LRRC28: variants seen among roughly 807,000 people sequenced by gnomAD.
LRRC28 encodes leucine-rich repeat-containing protein 28.
A neutral mutation model predicts 45.7 loss-of-function variants in LRRC28; 39 were observed. The ratio of observed to expected loss-of-function variants is 0.85; its 90% confidence interval spans 0.66 to 1.12. The LOEUF (loss-of-function observed/expected upper bound fraction) is 1.12. Among genes scored for constraint, LRRC28 ranks in the 50% most tolerant of loss-of-function variants. LRRC28 has a pLI of 0.00. For synonymous variants in LRRC28, 206 were observed against 178.8 expected (o/e 1.15, Z -1.22); for missense variants, 435 against 438.5 (o/e 0.99, Z 0.07).
intron 7 of LRRC28, 110 bp downstream of exon 7, chr15:99,352,581 A>T: frequency 2.5e-6 from 2 of 788,572 alleles, no homozygotes; most frequent in Non-Finnish European, 4.1e-6. Flanking sequence ...ATCCTTAGAA[A>T]CTAAGGATAT....
intron 5 of LRRC28, among the ~76,000 whole-genome samples, chr15:99,308,467 AC>A (rs1206189321): frequency 6.6e-6 from 1 of 152,158 alleles, no homozygotes; most frequent in African/African-American, 2.4e-5. Flanking sequence ...GGAGTTCAAG[AC>A]CAGTCTGGGC....
chr15:99,343,531 G>GA (rs1956585304), intron 6 of LRRC28, among the ~76,000 whole-genome samples: 1 of 151,928 alleles, frequency 6.6e-6, no homozygotes, highest in Admixed American at 6.5e-5. Context: ...GAGTTTGGAA[G>GA]AAAAAAAGGA....
Position 99,387,291 on chromosome 15 carries a change from A to G in LRRC28, c.*1189A>G, listed in dbSNP as rs1597492827. 6.6e-6 allele frequency: 1 copy of G among 150,980 alleles called. No individual in the cohort carries two copies. 9.4% of individuals were successfully genotyped at this position (150,980 alleles called of 1,614,324 possible). A position where few individuals can be genotyped will look rare whatever the true frequency, so the allele number is the denominator to read the frequency against. Reference sequence around the variant, plus strand: ...TAGCCGGGATGGTCTCGATCTCCTGACCTCGTGATCCGCACGCCTCGGCCT... The same window carrying G: ...TAGCCGGGATGGTCTCGATCTCCTGGCCTCGTGATCCGCACGCCTCGGCCT... On this transcript the variant is annotated 3_prime_UTR_variant, in exon 10 of 10. Transcript: ENST00000301981.
chr15:99,388,479 C>T lies in LRRC28; in HGVS notation c.*2377C>T, dbSNP rs1958095039. On this transcript the variant is annotated 3_prime_UTR_variant, in exon 10 of 10. Transcript: ENST00000301981. ...ACCTTTGGGCAGTCTCAACCTTAAT[C>T]CTTGGGTACAGCACCTGAACTTAAT... 6.6e-6 allele frequency: 1 copy of T among 152,192 alleles called. No individual in the cohort carries two copies. 9.4% of individuals were successfully genotyped at this position (152,192 alleles called of 1,614,324 possible).
At chr15:99,361,642 A>G (rs1957207146) in intron 8 of LRRC28, 131 bp downstream of exon 8, 11 of 834,678 alleles carry the variant, frequency 1.3e-5, no homozygotes, top group South Asian at 1.2e-4. Flanking sequence ...GAAAGTAACC[A>G]TTTTATCCAT....
intron 2 of LRRC28, among the ~76,000 whole-genome samples, chr15:99,272,312 G>C (rs958289990): frequency 6.6e-6 from 1 of 152,192 alleles, no homozygotes; most frequent in African/African-American, 2.4e-5. Context: ...CCACCGTCTG[G>C]TGGTCACTGT....
At chr15:99,264,576 A>G (rs1243338614) in intron 2 of LRRC28, among the ~76,000 whole-genome samples, 1 of 152,166 alleles carries the variant, frequency 6.6e-6, no homozygotes, top group African/African-American at 2.4e-5. Context: ...TTGAGTATTG[A>G]TGTTCTCTAT....
intron 2 of LRRC28, chr15:99,257,881 G>A: frequency 1.3e-6 from 1 of 775,234 alleles, no homozygotes; most frequent in South Asian, 1.4e-5. Context: ...GAAGTTAACA[G>A]AATGATGAAA....
chr15:99,335,093 G>A (rs7181876), intron 6 of LRRC28, among the ~76,000 whole-genome samples: 21,660 of 151,998 alleles, frequency 0.14, 1,578 homozygotes, highest in Non-Finnish European at 0.16. Flanking sequence ...AAATGAGGCC[G>A]TTTCAGAAGC....
intron 2 of LRRC28, among the ~76,000 whole-genome samples, chr15:99,275,591 C>CA (rs1226026629): frequency 6.6e-6 from 1 of 152,152 alleles, no homozygotes; most frequent in Non-Finnish European, 1.5e-5. Context: ...CTTAAAACAA[C>CA]AAAAATGTAT....
intron 5 of LRRC28, among the ~76,000 whole-genome samples, chr15:99,326,836 A>T (rs1289193659): frequency 1.3e-5 from 2 of 152,052 alleles, no homozygotes; most frequent in African/African-American, 4.8e-5. Context: ...TTCATGAGGG[A>T]TATTGGTCTG....
chr15:99,258,865 C>A, intron 2 of LRRC28: 2 of 706,320 alleles, frequency 2.8e-6, no homozygotes, highest in South Asian at 2.8e-5. Flanking sequence ...GCTGTGTATT[C>A]ATCACAGATG....
intron 6 of LRRC28, 44 bp from the exon 7 acceptor site, chr15:99,352,325 G>T: frequency 8.2e-7 from 1 of 1,224,584 alleles, no homozygotes; most frequent in Non-Finnish European, 1.2e-6. Flanking sequence ...ACATTATAAT[G>T]GTGCCTGTAT....
rs986917492 is a variant in LRRC28 at position 99,251,507 on chromosome 15, T to C, written c.-95T>C. The C allele has an allele frequency of 6.7e-5, 10 of 149,580 alleles. No individual in the cohort carries two copies. Among genetic ancestry groups the C allele is most frequent in the African/African-American group, 2.4e-4 (10 of 40,938 alleles). The allele number at this position is 149,580 out of a possible 1,614,324, so 9.3% of individuals were successfully genotyped here. A position where few individuals can be genotyped will look rare whatever the true frequency, so the allele number is the denominator to read the frequency against. On this transcript the variant is annotated 5_prime_UTR_variant, in exon 1 of 10. Transcript: ENST00000301981. Reference sequence around the variant, plus strand: ...TCCCCCGCTTGGCTTCCAGCGCCGCTTGCGCTCCGGAGCGCTGGCTCTGCT... The same window carrying C: ...TCCCCCGCTTGGCTTCCAGCGCCGCCTGCGCTCCGGAGCGCTGGCTCTGCT...
chr15:99,303,600 G>A (rs545854674), intron 5 of LRRC28, among the ~76,000 whole-genome samples: 8 of 152,270 alleles, frequency 5.3e-5, no homozygotes, highest in South Asian at 2.1e-4. Flanking sequence ...TTGGGAGGCC[G>A]AGGTGGGAGG....
intron 5 of LRRC28, among the ~76,000 whole-genome samples, chr15:99,326,245 T>G (rs1371664146): frequency 6.6e-6 from 1 of 152,106 alleles, no homozygotes; most frequent in Non-Finnish European, 1.5e-5. Flanking sequence ...GATTAAAAGG[T>G]TTTAAAAGGT....
rs534433118 is a variant in LRRC28, at chr15:99,304,500, C to T, written c.385+16549C>T. ...GGCTGGGGTGCAGTGATGTGATCTC[C>T]GCTCACTGCAACCTCTGCCTCCTGG... On this transcript the variant is annotated intron_variant, in intron 5 of 9. Transcript: ENST00000301981. Among the ~76,000 whole-genome samples, 410 of 151,892 alleles carry T rather than the reference C, an allele frequency of 2.7e-3. 4 individuals carry two copies. The highest frequency in any genetic ancestry group is 9.2e-3 in the African/African-American group (381 of 41,410).
chr15:99,291,107 G>A (rs1426737028), intron 5 of LRRC28, among the ~76,000 whole-genome samples: 2 of 152,174 alleles, frequency 1.3e-5, no homozygotes, highest in Admixed American at 6.5e-5. Context: ...GGTTAAGGAT[G>A]TACTTCTAAT....
intron 5 of LRRC28, chr15:99,332,009 C>T (rs1277353844): frequency 6.6e-6 from 1 of 152,226 alleles, no homozygotes; most frequent in Non-Finnish European, 1.5e-5. Context: ...TCATCATTGT[C>T]TTGACACGGG....
Sources: gnomAD v4.1 joint callset for allele counts (sites outside exome capture counted in the v4.1 genomes callset) on GRCh38, gnomAD v4.1.1 for gene constraint, MANE v1.5 for transcripts, NCBI Gene and HGNC (gene_info 2026-07-23, HGNC 2026-07-21) for gene names.